The following CCDC190 variants were observed in gnomAD, a reference collection of about 807,000 sequenced individuals.
The protein encoded by CCDC190 is coiled-coil domain-containing protein 190.
A neutral mutation model predicts 13.1 loss-of-function variants in CCDC190; 10 were observed. That is an observed-to-expected ratio of 0.77 (90% CI 0.47 to 1.30). The LOEUF (loss-of-function observed/expected upper bound fraction) is 1.30, where lower values mean the gene tolerates loss of function less well. CCDC190 is among the 50% of genes most tolerant of loss of function. The pLI, the probability that CCDC190 is intolerant of heterozygous loss-of-function variation, is 0.00. For synonymous variants in CCDC190, 136 were observed against 127.2 expected (o/e 1.07, Z -0.47); for missense variants, 375 against 354.3 (o/e 1.06, Z -0.47).
At position 162,854,578 on chromosome 1, in the gene CCDC190, C is replaced by T. The variant is rs1650216252; in HGVS notation, c.*187G>A. On this transcript the variant is annotated 3_prime_UTR_variant, in exon 4 of 4. Transcript: ENST00000367912. Reference sequence around the variant, plus strand: ...TTTCAGAAGATTCATTCTTCCTCTCCTTTTTCATATATTAGCATTGTTCAT... The same window carrying T: ...TTTCAGAAGATTCATTCTTCCTCTCTTTTTTCATATATTAGCATTGTTCAT... 7.3e-7 allele frequency: 1 copy of T among 1,364,180 alleles called. No homozygotes were observed. Among genetic ancestry groups the T allele is most frequent in the South Asian group, 2.0e-5 (1 of 49,720 alleles). 84.5% of individuals were successfully genotyped at this position (1,364,180 alleles called of 1,614,324 possible).
chr1:162,868,083 A>G (rs35928811), intron 1 of CCDC190, among the ~76,000 whole-genome samples: 2 of 151,826 alleles, frequency 1.3e-5, no homozygotes, highest in Non-Finnish European at 2.9e-5. Context: ...AGTTGATTTT[A>G]AAAAAAACTT....
At chr1:162,863,817 G>A (rs530799643), upstream of CCDC190, among the ~76,000 whole-genome samples, 198 of 152,194 alleles carry the variant, frequency 1.3e-3, no homozygotes, top group Non-Finnish European at 2.0e-3. Context: ...TCACGAGTTC[G>A]AGACCAGCCT....
intron 3 of CCDC190, 136 bp from the exon 4 acceptor site, chr1:162,855,495 C>T (rs1014639412): frequency 6.8e-7 from 1 of 1,470,822 alleles, no homozygotes; most frequent in Non-Finnish European, 9.2e-7. Context: ...GAGGGTGAAA[C>T]TGAGTAGTAA....
rs181173459 is a variant in CCDC190, at chr1:162,856,776, C to A, written c.188-1021G>T. Among the ~76,000 whole-genome samples, 160 of 152,246 alleles carry A rather than the reference C, an allele frequency of 1.1e-3. 2 individuals carry two copies. In the South Asian group the frequency reaches 0.032, roughly 30 times the overall value. On this transcript the variant is annotated intron_variant, in intron 2 of 3. Coordinates refer to ENST00000367912, the MANE Select transcript of CCDC190 (RefSeq NM_001394065.1). ...GACTCCCAATATTCTTTCATATGAT[C>A]ACTTCTTTGTGAAGTGATCAGAGCA...
rs370447374 is a variant in CCDC190 at position 162,855,209 on chromosome 1, T to A, written c.462A>T (p.Pro154=). 81 of 1,613,878 alleles carry A rather than the reference T, an allele frequency of 5.0e-5. No individual in the cohort carries two copies. The highest frequency in any genetic ancestry group is 3.5e-4 in the Admixed American group (21 of 60,002). Residue 154 remains proline, a synonymous_variant, in exon 4 of 4, where the codon CCA becomes CCT. Transcript: ENST00000367912. ...TCACAGAATCTTTCTCTTGGGCTTGTGGTTGCTCTTTTATGAAGCAGGCAG... is the reference window on the plus strand; with the variant it reads ...TCACAGAATCTTTCTCTTGGGCTTGAGGTTGCTCTTTTATGAAGCAGGCAG... ...NRTACFIKEQ[P]QAQEKDSVNP... is the part of the protein sequence containing the mutation.
chr1:162,863,714 G>A (rs1406051511), upstream of CCDC190, among the ~76,000 whole-genome samples: 2 of 152,134 alleles, frequency 1.3e-5, no homozygotes, highest in Non-Finnish European at 1.5e-5. Flanking sequence ...GCAGGGTACA[G>A]TAGCAGATCT....
In CCDC190 at chr1:162,853,462, C is replaced by G. The variant is rs962967550; in HGVS notation, c.*1303G>C. On this transcript the variant is annotated 3_prime_UTR_variant, in exon 4 of 4. Coordinates refer to ENST00000367912, the MANE Select transcript of CCDC190 (RefSeq NM_001394065.1). ...GAAAAATAGGAGCTATTAGGAATTACTATTTTTAAACACAAGGAATTCTAA... is the reference window on the plus strand; with the variant it reads ...GAAAAATAGGAGCTATTAGGAATTAGTATTTTTAAACACAAGGAATTCTAA... Among the ~76,000 whole-genome samples the G allele has an allele frequency of 3.3e-5, 5 of 152,170 alleles. No individual in the cohort carries two copies. Among genetic ancestry groups the G allele is most frequent in the Non-Finnish European group, 5.9e-5 (4 of 68,036 alleles).
At chr1:162,858,923 C>A (rs1440211918) in intron 2 of CCDC190, among the ~76,000 whole-genome samples, 2 of 152,194 alleles carry the variant, frequency 1.3e-5, no homozygotes, top group Non-Finnish European at 2.9e-5. Flanking sequence ...CCTCAAATAA[C>A]TTCATAACAT....
intron 1 of CCDC190, 125 bp downstream of exon 1, chr1:162,860,883 A>G (rs1421871752): frequency 3.2e-6 from 1 of 312,460 alleles, no homozygotes; most frequent in Non-Finnish European, 4.7e-6. Flanking sequence ...AATACAGAAA[A>G]AAAGCTTAAC....
At position 162,851,519 on chromosome 1, in the gene CCDC190, A is replaced by G. The variant is rs1558108622; in HGVS notation, c.*3246T>C. ...AGTGTTCATGGTAAAAACTTACCCA[A>G]CTTTCCCCCAACACTGAGGATTGTG... On this transcript the variant is annotated 3_prime_UTR_variant, in exon 4 of 4. Transcript: ENST00000367912. The G allele has an allele frequency of 6.6e-6, 1 of 151,862 alleles. No individual in the cohort carries two copies. Among genetic ancestry groups the G allele is most frequent in the South Asian group, 2.1e-4 (1 of 4,816 alleles). The allele number at this position is 151,862 out of a possible 1,614,324, so 9.4% of individuals were successfully genotyped here. A position where few individuals can be genotyped will look rare whatever the true frequency, so the allele number is the denominator to read the frequency against.
chr1:162,864,861 T>C (rs1650644281), upstream of CCDC190, among the ~76,000 whole-genome samples: 1 of 151,736 alleles, frequency 6.6e-6, no homozygotes, highest in Non-Finnish European at 1.5e-5. Flanking sequence ...AAACAAGAAA[T>C]AAATGGCAAG....
chr1:162,854,622 C>T lies in CCDC190; in HGVS notation c.*143G>A. 2 of 1,391,844 alleles carry T rather than the reference C, an allele frequency of 1.4e-6. No individual in the cohort carries two copies. Among genetic ancestry groups the T allele is most frequent in the Non-Finnish European group, 1.9e-6 (2 of 1,074,250 alleles). The allele number at this position is 1,391,844 out of a possible 1,614,324, so 86.2% of individuals were successfully genotyped here. Reference sequence around the variant, plus strand: ...TGTTCATTCAAGAAATATTATATTCCCGGAAAATAATAGGGAGTTTAAAAT... The same window carrying T: ...TGTTCATTCAAGAAATATTATATTCTCGGAAAATAATAGGGAGTTTAAAAT... On this transcript the variant is annotated 3_prime_UTR_variant, in exon 4 of 4. Coordinates refer to ENST00000367912, the MANE Select transcript of CCDC190 (RefSeq NM_001394065.1).
At chr1:162,864,605 G>A (rs1408474884), upstream of CCDC190, among the ~76,000 whole-genome samples, 1 of 152,056 alleles carries the variant, frequency 6.6e-6, no homozygotes, top group African/African-American at 2.4e-5. Flanking sequence ...TACAAAATTC[G>A]AGTGAGAATA....
rs1650177602 is a variant in CCDC190, at chr1:162,853,373, G to A, written c.*1392C>T. ...AAACTATTTTGCAAAGAAAACTTTTGCAGCATTGTTTTGAGGATCAGTTGG... is the reference window on the plus strand; with the variant it reads ...AAACTATTTTGCAAAGAAAACTTTTACAGCATTGTTTTGAGGATCAGTTGG... On this transcript the variant is annotated 3_prime_UTR_variant, in exon 4 of 4. Coordinates refer to ENST00000367912, the MANE Select transcript of CCDC190 (RefSeq NM_001394065.1). Among the ~76,000 whole-genome samples, 1 of 152,210 alleles carries A rather than the reference G, an allele frequency of 6.6e-6. No homozygotes were observed. Among genetic ancestry groups the A allele is most frequent in the Non-Finnish European group, 1.5e-5 (1 of 68,028 alleles).
intron 1 of CCDC190, among the ~76,000 whole-genome samples, chr1:162,866,344 C>T (rs1415894570): frequency 3.3e-5 from 5 of 152,098 alleles, no homozygotes; most frequent in Non-Finnish European, 7.4e-5. Flanking sequence ...GCAGAAGAAT[C>T]ACTTGAACCT....
chr1:162,860,492 T>C (rs1401550430), intron 1 of CCDC190, among the ~76,000 whole-genome samples: 8 of 152,144 alleles, frequency 5.3e-5, no homozygotes, highest in Non-Finnish European at 5.9e-5. Flanking sequence ...TCTATAATAC[T>C]TTTCTCAGAG....
chr1:162,854,489 C>T lies in CCDC190; in HGVS notation c.*276G>A, dbSNP rs1650214687. On this transcript the variant is annotated 3_prime_UTR_variant, in exon 4 of 4. Coordinates refer to ENST00000367912, the MANE Select transcript of CCDC190 (RefSeq NM_001394065.1). ...GAAAGCAAGACTGTTACTGTTTTCC[C>T]AAGTCCAGTCATCAATATATATTCA... 2 of 1,147,544 alleles carry T rather than the reference C, an allele frequency of 1.7e-6. No individual in the cohort carries two copies. The highest frequency in any genetic ancestry group is 1.6e-5 in the African/African-American group (1 of 62,902). 71.1% of individuals were successfully genotyped at this position (1,147,544 alleles called of 1,614,324 possible).
chr1:162,859,039 C>T (rs1384468297), intron 2 of CCDC190, among the ~76,000 whole-genome samples: 2 of 152,080 alleles, frequency 1.3e-5, no homozygotes, highest in African/African-American at 2.4e-5. Context: ...TGGGCTAGGA[C>T]AGTGACTTGC....
chr1:162,859,353 C>T, intron 2 of CCDC190, 107 bp downstream of exon 2: 1 of 1,012,406 alleles, frequency 9.9e-7, no homozygotes, highest in Non-Finnish European at 1.4e-6. Context: ...ATCAAAAGCT[C>T]TTGCTGTCTT....
Sources: gnomAD v4.1 joint callset for allele counts (sites outside exome capture counted in the v4.1 genomes callset) on GRCh38, gnomAD v4.1.1 for gene constraint, MANE v1.5 for transcripts, NCBI Gene and HGNC (gene_info 2026-07-23, HGNC 2026-07-21) for gene names.